Variants in CDC14A observed in about 807,000 individuals in gnomAD.
CDC14A encodes the protein cell division cycle 14A.
In CDC14A, 53 loss-of-function variants were observed where a neutral mutation model predicts 74.4. The ratio of observed to expected loss-of-function variants is 0.71; its 90% CI spans 0.57 to 0.89. CDC14A has a LOEUF of 0.89. CDC14A is among the 40% of genes least tolerant of loss of function. CDC14A has a pLI of 0.00. For missense variants in CDC14A, 646 were observed against 713.7 expected (o/e 0.91, Z 1.08); for synonymous variants, 247 against 258.4 (o/e 0.96, Z 0.43).
intron 4 of CDC14A, among the ~76,000 whole-genome samples, chr1:100,397,919 G>A (rs1360982780): frequency 2.6e-5 from 4 of 152,128 alleles, no homozygotes; most frequent in Non-Finnish European, 4.4e-5. Context: ...CTACACTTAA[G>A]ACCTAAGTAG....
intron 10 of CDC14A, among the ~76,000 whole-genome samples, chr1:100,469,036 G>A (rs1296568118): frequency 1.3e-5 from 2 of 151,922 alleles, no homozygotes; most frequent in Admixed American, 1.3e-4. Flanking sequence ...CAGGGATTAC[G>A]GGTGTGAGCC....
chr1:100,514,906 A>G (rs909194954), intron 15 of CDC14A, among the ~76,000 whole-genome samples: 15 of 152,212 alleles, frequency 9.9e-5, no homozygotes, highest in African/African-American at 3.6e-4. Flanking sequence ...TGCAAATGCA[A>G]TTTTACTATA....
chr1:100,471,391 A>G (rs1668383169), intron 10 of CDC14A, among the ~76,000 whole-genome samples: 1 of 152,168 alleles, frequency 6.6e-6, no homozygotes, highest in African/African-American at 2.4e-5. Context: ...CTAGCCTTAA[A>G]CAATTAGAAA....
At chr1:100,422,639 C>T (rs1662502551) in intron 4 of CDC14A, among the ~76,000 whole-genome samples, 1 of 152,162 alleles carries the variant, frequency 6.6e-6, no homozygotes, top group Non-Finnish European at 1.5e-5. Flanking sequence ...ATCTGTGCCT[C>T]TTGTCTGGCA....
At chr1:100,402,830 A>T (rs959190192) in intron 4 of CDC14A, among the ~76,000 whole-genome samples, 9 of 152,242 alleles carry the variant, frequency 5.9e-5, no homozygotes, top group Admixed American at 5.2e-4. Flanking sequence ...CTGCAAAAAG[A>T]TTAGAAACAG....
intron 4 of CDC14A, among the ~76,000 whole-genome samples, chr1:100,401,447 G>T (rs886278026): frequency 6.6e-6 from 1 of 152,086 alleles, no homozygotes; most frequent in Admixed American, 6.5e-5. Context: ...TTATGAAGTC[G>T]GTACTAATTG....
chr1:100,507,017 C>T (rs1360068196), intron 15 of CDC14A, among the ~76,000 whole-genome samples: 1 of 152,164 alleles, frequency 6.6e-6, no homozygotes. Context: ...ATCTTAAAAA[C>T]TGAAATTAAA....
chr1:100,470,580 C>T (rs1413043404), intron 10 of CDC14A, among the ~76,000 whole-genome samples: 2 of 151,940 alleles, frequency 1.3e-5, no homozygotes, highest in African/African-American at 2.4e-5. Context: ...ATATATCTGA[C>T]AAAAGACTTG....
At chr1:100,369,569 A>G (rs1471417159) in intron 2 of CDC14A, among the ~76,000 whole-genome samples, 1 of 151,876 alleles carries the variant, frequency 6.6e-6, no homozygotes, top group African/African-American at 2.4e-5. Context: ...CTCATTTTTT[A>G]ATGGGGTTAT....
chr1:100,512,687 T>A (rs1448145112), intron 15 of CDC14A, among the ~76,000 whole-genome samples: 1 of 152,188 alleles, frequency 6.6e-6, no homozygotes, highest in Non-Finnish European at 1.5e-5. Context: ...AAAAATCATG[T>A]AGGAAGGTGA....
chr1:100,359,147 G>A (rs1320465220), intron 2 of CDC14A, among the ~76,000 whole-genome samples: 1 of 152,184 alleles, frequency 6.6e-6, no homozygotes, highest in African/African-American at 2.4e-5. Flanking sequence ...TAAAGCCATA[G>A]CAACAACAAC....
intron 15 of CDC14A, among the ~76,000 whole-genome samples, chr1:100,510,684 A>T (rs939187198): frequency 6.6e-6 from 1 of 152,218 alleles, no homozygotes; most frequent in Admixed American, 6.5e-5. Flanking sequence ...AGATCAATTC[A>T]ACCATCTGTT....
At chr1:100,356,410 G>C (rs1381801001) in intron 2 of CDC14A, among the ~76,000 whole-genome samples, 1 of 151,788 alleles carries the variant, frequency 6.6e-6, no homozygotes, top group Non-Finnish European at 1.5e-5. Context: ...AGAGAAGCTG[G>C]GTCACTTGCC....
chr1:100,388,117 G>A (rs921040175), intron 3 of CDC14A, among the ~76,000 whole-genome samples: 9 of 152,196 alleles, frequency 5.9e-5, no homozygotes, highest in Admixed American at 2.6e-4. Context: ...TGTAAATAGG[G>A]AGAGGCTGGG....
intron 2 of CDC14A, among the ~76,000 whole-genome samples, chr1:100,367,579 C>T (rs1302287203): frequency 2.6e-5 from 4 of 152,128 alleles, no homozygotes; most frequent in Non-Finnish European, 5.9e-5. Context: ...AATAGTCTTA[C>T]AAGTGTAAGT....
intron 7 of CDC14A, among the ~76,000 whole-genome samples, chr1:100,452,222 T>C (rs867282205): frequency 2.0e-5 from 3 of 152,084 alleles, no homozygotes; most frequent in African/African-American, 7.2e-5. Context: ...TTAGAAATCA[T>C]AAAAATTGGC....
At chr1:100,445,769 C>A (rs1010427653) in intron 7 of CDC14A, among the ~76,000 whole-genome samples, 10 of 152,244 alleles carry the variant, frequency 6.6e-5, no homozygotes, top group Admixed American at 5.2e-4. Context: ...TTCACCTTGA[C>A]AACAACCATC....
At chr1:100,495,558 A>G (rs1394014038) in intron 12 of CDC14A, among the ~76,000 whole-genome samples, 1 of 152,238 alleles carries the variant, frequency 6.6e-6, no homozygotes, top group South Asian at 2.1e-4. Context: ...TTTTAAAATT[A>G]CAATATACTG....
At chr1:100,439,852 C>T (rs1037331039) in intron 5 of CDC14A, 80 bp from the exon 6 acceptor site, 12 of 962,106 alleles carry the variant, frequency 1.2e-5, no homozygotes, top group Non-Finnish European at 2.0e-5. Flanking sequence ...AGCACATCTC[C>T]AGCTGACTTT....
Sources: allele counts gnomAD v4.1 joint callset (sites outside exome capture counted in the v4.1 genomes callset), GRCh38; gene constraint gnomAD v4.1.1; transcripts MANE v1.5; gene names NCBI Gene and HGNC (gene_info 2026-07-23, HGNC 2026-07-21).